Variants in NR3C2 observed in about 807,000 individuals in gnomAD.
NR3C2 encodes the protein nuclear receptor subfamily 3 group C member 2.
NR3C2 carries 15 observed loss-of-function variants against 86.4 expected under a neutral mutation model. The observed-to-expected ratio is 0.17, with a 90% CI of 0.12 to 0.27. The LOEUF (loss-of-function observed/expected upper bound fraction) is 0.27. NR3C2 is among the 10% of genes least tolerant of loss of function. NR3C2 has a pLI of 1.00. For synonymous variants in NR3C2, 458 were observed against 450.5 expected (o/e 1.02, Z -0.21); for missense variants, 960 against 1,195.6 (o/e 0.80, Z 2.91).
intron 2 of NR3C2, among the ~76,000 whole-genome samples, chr4:148,409,379 T>C (rs562685963): frequency 6.6e-6 from 1 of 152,276 alleles, no homozygotes; most frequent in South Asian, 2.1e-4. Flanking sequence ...AATTGAGCCA[T>C]GAACTATTCA....
intron 4 of NR3C2, among the ~76,000 whole-genome samples, chr4:148,184,719 C>A: frequency 6.6e-6 from 1 of 152,082 alleles, no homozygotes; most frequent in Non-Finnish European, 1.5e-5. Context: ...ACTTTACAAC[C>A]AATGGCTGTA....
At chr4:148,299,752 G>A (rs750166336) in intron 2 of NR3C2, among the ~76,000 whole-genome samples, 2 of 152,248 alleles carry the variant, frequency 1.3e-5, no homozygotes, top group East Asian at 1.9e-4. Context: ...CTGCAGTTCC[G>A]GCTGATTTTT....
chr4:148,103,373 G>A lies in NR3C2; in HGVS notation c.2799+10731C>T, dbSNP rs559714736. 9.4e-4 allele frequency among the ~76,000 whole-genome samples: 143 copies of A among 152,292 alleles called. 2 individuals are homozygous for A. The highest frequency in any genetic ancestry group is 3.5e-4 in the Non-Finnish European group (24 of 68,026). On this transcript the variant is annotated intron_variant, in intron 8 of 8. Transcript: ENST00000358102. ...TGTGGTTGTTGTATCCATAGTGCCTGTGCTGTGCCTGGCATGGTAGAGGCT... is the reference window on the plus strand; with the variant it reads ...TGTGGTTGTTGTATCCATAGTGCCTATGCTGTGCCTGGCATGGTAGAGGCT...
At chr4:148,301,143 G>A (rs556471881) in intron 2 of NR3C2, among the ~76,000 whole-genome samples, 82 of 152,076 alleles carry the variant, frequency 5.4e-4, no homozygotes, top group African/African-American at 1.9e-3. Context: ...ATTAGGAGAT[G>A]GCAAACAAAA....
intron 2 of NR3C2, among the ~76,000 whole-genome samples, chr4:148,415,955 A>T (rs1056251713): frequency 6.6e-6 from 1 of 152,236 alleles, no homozygotes; most frequent in Non-Finnish European, 1.5e-5. Flanking sequence ...TAAGAAAAAA[A>T]TACATGCATT....
At chr4:148,105,573 A>T (rs547501859) in intron 8 of NR3C2, among the ~76,000 whole-genome samples, 2 of 152,262 alleles carry the variant, frequency 1.3e-5, no homozygotes, top group South Asian at 4.1e-4. Context: ...AGACACAACA[A>T]AAAAAGAAAA....
rs1486121492 is a variant in NR3C2, at chr4:148,080,793, C to T, written c.*551G>A. ...TACCAGTGATGCAGAAGACCGTGGA[C>T]GAGCGAGGGCTCAGAGGCAGCTGCT... is the stretch of plus-strand genomic sequence containing the variant. On this transcript the variant is annotated 3_prime_UTR_variant, in exon 9 of 9. Coordinates refer to ENST00000358102, the MANE Select transcript of NR3C2 (RefSeq NM_000901.5). 29 of 423,364 alleles carry T rather than the reference C, an allele frequency of 6.8e-5. No individual in the cohort carries two copies. Among genetic ancestry groups the T allele is most frequent in the Admixed American group, 3.6e-4 (15 of 41,360 alleles). 26.2% of individuals were successfully genotyped at this position (423,364 alleles called of 1,614,324 possible).
intron 3 of NR3C2, among the ~76,000 whole-genome samples, chr4:148,253,876 G>A (rs546015133): frequency 6.6e-6 from 1 of 152,292 alleles, no homozygotes; most frequent in Admixed American, 6.5e-5. Context: ...TGCTTAGAAA[G>A]GTACCTGGCA....
chr4:148,397,844 T>C (rs1313127234), intron 2 of NR3C2, among the ~76,000 whole-genome samples: 2 of 152,144 alleles, frequency 1.3e-5, no homozygotes, highest in Admixed American at 6.5e-5. Context: ...AGGGCTGACA[T>C]AAAGTACCAT....
At position 148,259,969 on chromosome 4, in the gene NR3C2, A is replaced by G; in HGVS notation, c.1897+9T>C. ...AATATGTAAAAGGAACACCCACATG[A>G]ACATTTACCTTCCACTGCTCTTTTG... On this transcript the variant is annotated intron_variant, in intron 3 of 8. Coordinates refer to ENST00000358102, the MANE Select transcript of NR3C2 (RefSeq NM_000901.5). 6.2e-7 allele frequency: 1 copy of G among 1,614,080 alleles called. No individual in the cohort carries two copies. Among genetic ancestry groups the G allele is most frequent in the Non-Finnish European group, 8.5e-7 (1 of 1,179,962 alleles).
chr4:148,441,532 G>A (rs777152538), intron 1 of NR3C2, among the ~76,000 whole-genome samples: 7 of 152,112 alleles, frequency 4.6e-5, no homozygotes, highest in Non-Finnish European at 1.0e-4. Flanking sequence ...ATTTAAACCT[G>A]GTCTTTTTAA....
rs115259111 is a variant in NR3C2, at chr4:148,425,856, G to A, written c.1757+9248C>T. 4.4e-3 allele frequency among the ~76,000 whole-genome samples: 664 copies of A among 152,206 alleles called. 1 individual carries two copies. Among genetic ancestry groups the A allele is most frequent in the African/African-American group, 0.015 (628 of 41,520 alleles). ...CACTATAGGGCCTTAGGCAAATCAC[G>A]AATACTGTCTCCGTCTCAGTTTTCA... On this transcript the variant is annotated intron_variant, in intron 2 of 8. Coordinates refer to ENST00000358102, the MANE Select transcript of NR3C2 (RefSeq NM_000901.5).
intron 2 of NR3C2, among the ~76,000 whole-genome samples, chr4:148,359,135 C>T (rs1458179147): frequency 6.6e-6 from 1 of 152,124 alleles, no homozygotes; most frequent in African/African-American, 2.4e-5. Flanking sequence ...ATATAGTCCT[C>T]TCTCTTTTTT....
At chr4:148,198,494 C>T (rs1488464637) in intron 3 of NR3C2, among the ~76,000 whole-genome samples, 1 of 152,008 alleles carries the variant, frequency 6.6e-6, no homozygotes, top group Non-Finnish European at 1.5e-5. Flanking sequence ...AAAAGGGGAC[C>T]AGCTTCGCAA....
intron 2 of NR3C2, among the ~76,000 whole-genome samples, chr4:148,349,236 C>A (rs1745150265): frequency 1.3e-5 from 2 of 152,132 alleles, no homozygotes; most frequent in African/African-American, 2.4e-5. Flanking sequence ...AATTCCAGTA[C>A]AAACGACGCA....
chr4:148,240,215 A>G (rs1269676964), intron 3 of NR3C2, among the ~76,000 whole-genome samples: 3 of 146,864 alleles, frequency 2.0e-5, no homozygotes, highest in Non-Finnish European at 4.5e-5. Flanking sequence ...TTATCAGATT[A>G]TCAGATATTT....
intron 3 of NR3C2, among the ~76,000 whole-genome samples, chr4:148,226,117 G>A (rs1431183253): frequency 1.3e-5 from 2 of 152,162 alleles, no homozygotes; most frequent in Admixed American, 6.6e-5. Context: ...ACACATGAAT[G>A]TTAACACCTC....
intron 8 of NR3C2, among the ~76,000 whole-genome samples, chr4:148,088,018 GA>G (rs1730894043): frequency 1.3e-5 from 2 of 151,936 alleles, no homozygotes; most frequent in East Asian, 3.9e-4. Flanking sequence ...AAATTTACAA[GA>G]AAAAAACAAC....
chr4:148,123,473 G>C (rs558342548), intron 6 of NR3C2, among the ~76,000 whole-genome samples: 9 of 152,090 alleles, frequency 5.9e-5, no homozygotes, highest in Middle Eastern at 3.2e-3. Flanking sequence ...TTTGCCCTTT[G>C]AAGCATGTGA....
Sources: gnomAD v4.1 joint callset for allele counts (sites outside exome capture counted in the v4.1 genomes callset) on GRCh38, gnomAD v4.1.1 for gene constraint, MANE v1.5 for transcripts, NCBI Gene and HGNC (gene_info 2026-07-23, HGNC 2026-07-21) for gene names.